The following OTOA variants were observed in gnomAD, a reference collection of about 807,000 sequenced individuals.
OTOA encodes otoancorin, also known as cancer/testis antigen 108.
In OTOA, 70 loss-of-function variants were observed where a neutral mutation model predicts 110.8. The ratio of observed to expected loss-of-function variants is 0.63; its 90% confidence interval spans 0.52 to 0.77. The LOEUF (loss-of-function observed/expected upper bound fraction) is 0.77. Ranked by LOEUF, OTOA falls within the 30% of genes least tolerant of loss-of-function variation. The probability of loss-of-function intolerance (pLI) is 0.00; values close to 1 mark genes in which losing one functional copy is unlikely to be tolerated. For synonymous variants in OTOA, 373 were observed against 431.5 expected (o/e 0.86, Z 1.68); for missense variants, 917 against 1,075.8 (o/e 0.85, Z 2.06).
rs1898921512 is a variant in OTOA at position 21,726,514 on chromosome 16, T to G, written c.1881-9T>G. On this transcript the variant is annotated splice_polypyrimidine_tract_variant and intron_variant, in intron 18 of 28. Transcript: ENST00000646100. ...TGTTCCTCCTCTTGTTCTCCCCATC[T>G]CTCTCCAGGGCCCGCTACCTGGCTT... 1 of 1,613,258 alleles carries G rather than the reference T, an allele frequency of 6.2e-7. No individual in the cohort carries two copies. Among genetic ancestry groups the G allele is most frequent in the East Asian group, 2.2e-5 (1 of 44,880 alleles).
At position 21,691,812 on chromosome 16, in the gene OTOA, C is replaced by T. The variant is rs1006781580; in HGVS notation, c.739+125C>T. On this transcript the variant is annotated intron_variant, in intron 9 of 28. Coordinates refer to ENST00000646100, the MANE Select transcript of OTOA (RefSeq NM_144672.4). ...TGATTTTTACCACCTCCCACTGCTTCGAAAAACAGTTTGATGTGGCTTATG... is the reference window on the plus strand; with the variant it reads ...TGATTTTTACCACCTCCCACTGCTTTGAAAAACAGTTTGATGTGGCTTATG... 28 of 845,732 alleles carry T rather than the reference C, an allele frequency of 3.3e-5. No individual in the cohort carries two copies. In the Admixed American group the frequency reaches 3.6e-4, roughly 11 times the overall value. 52.4% of individuals were successfully genotyped at this position (845,732 alleles called of 1,614,324 possible). A position where few individuals can be genotyped will look rare whatever the true frequency, so the allele number is the denominator to read the frequency against.
intron 11 of OTOA, among the ~76,000 whole-genome samples, chr16:21,701,898 A>G (rs1219181731): frequency 6.8e-6 from 1 of 148,056 alleles, no homozygotes; most frequent in East Asian, 2.0e-4. Context: ...TGGCCTCCCA[A>G]ACTGCTGGGA....
intron 9 of OTOA, 134 bp from the exon 10 acceptor site, chr16:21,697,641 C>T (rs907491483): frequency 1.5e-5 from 13 of 864,756 alleles, no homozygotes; most frequent in East Asian, 2.7e-5. Flanking sequence ...CAAAAAACCC[C>T]GAAAAACAAA....
chr16:21,749,706 CAG>C (rs1899764363), intron 24 of OTOA, among the ~76,000 whole-genome samples: 1 of 115,740 alleles, frequency 8.6e-6, no homozygotes, highest in Non-Finnish European at 1.7e-5. Context: ...TTTTGTGAGA[CAG>C]AGTCTCCCTC....
chr16:21,687,964 A>G (rs1385756703), intron 8 of OTOA, among the ~76,000 whole-genome samples: 1 of 151,422 alleles, frequency 6.6e-6, no homozygotes, highest in East Asian at 2.0e-4. Flanking sequence ...GCACCCAGCC[A>G]CTCCCACCTT....
intron 9 of OTOA, among the ~76,000 whole-genome samples, chr16:21,695,898 T>A (rs1435318052): frequency 5.0e-5 from 6 of 119,900 alleles, no homozygotes; most frequent in East Asian, 4.4e-4. Context: ...TATATTTTTT[T>A]TTTTTTTTTT....
intron 18 of OTOA, among the ~76,000 whole-genome samples, chr16:21,724,228 A>G (rs1324164060): frequency 1.3e-5 from 2 of 152,156 alleles, no homozygotes; most frequent in Non-Finnish European, 2.9e-5. Flanking sequence ...ATTGCCTTCC[A>G]AAGGAGAGGC....
At chr16:21,684,954 G>A (rs1367753310) in intron 6 of OTOA, among the ~76,000 whole-genome samples, 6 of 151,976 alleles carry the variant, frequency 3.9e-5, no homozygotes, top group Non-Finnish European at 8.8e-5. Flanking sequence ...GTTTCACCAT[G>A]TTGGCCAGGA....
At chr16:21,714,458 C>CCCT (rs1567384609) in intron 13 of OTOA, among the ~76,000 whole-genome samples, 2 of 62,110 alleles carry the variant, frequency 3.2e-5, no homozygotes, top group East Asian at 5.6e-4. Flanking sequence ...CTCTCTCTCT[C>CCCT]TCTTCTTTCT....
At chr16:21,708,485 C>T (rs1216464426) in intron 12 of OTOA, among the ~76,000 whole-genome samples, 2 of 152,108 alleles carry the variant, frequency 1.3e-5, no homozygotes, top group Non-Finnish European at 2.9e-5. Context: ...CCCACCCAGT[C>T]TCTGATTCAG....
Position 21,664,751 on chromosome 16 carries a change from C to T in OTOA, c.-5+519C>T, listed in dbSNP as rs577366211. ...CTTTGGGAGGCTGAGGCAGGAGAAT[C>T]ACTTGAGGCCAGGAGTTCGAGACCA... On this transcript the variant is annotated intron_variant, in intron 1 of 28. Coordinates refer to ENST00000646100, the MANE Select transcript of OTOA (RefSeq NM_144672.4). 5.8e-4 allele frequency among the ~76,000 whole-genome samples: 88 copies of T among 152,152 alleles called. 4 individuals are homozygous for T. The South Asian group carries it at 9.1e-3, about 16-fold the overall frequency.
At chr16:21,670,145 C>T (rs1214594571) in intron 1 of OTOA, among the ~76,000 whole-genome samples, 2 of 151,382 alleles carry the variant, frequency 1.3e-5, no homozygotes, top group African/African-American at 2.4e-5. Flanking sequence ...AAAACAAAAA[C>T]AAAAACAAGT....
chr16:21,721,800 G>C (rs370280713), intron 17 of OTOA, among the ~76,000 whole-genome samples: 6 of 152,102 alleles, frequency 3.9e-5, no homozygotes, highest in Non-Finnish European at 8.8e-5. Context: ...ACTGAGGCAG[G>C]AGGATCACTT....
chr16:21,747,068 T>TA (rs375480662), intron 24 of OTOA, among the ~76,000 whole-genome samples: 15,207 of 136,972 alleles, frequency 0.11, 158 homozygotes, highest in South Asian at 0.23. Flanking sequence ...TAGCTGTTTT[T>TA]ATGTTGATAT....
At chr16:21,714,845 G>A in intron 13 of OTOA, 140 bp from the exon 14 acceptor site, 7 of 1,078,380 alleles carry the variant, frequency 6.5e-6, no homozygotes, top group Non-Finnish European at 9.7e-6. Context: ...GAAGGCCTGT[G>A]GAGGCAGCAT....
chr16:21,722,951 T>C lies in OTOA; in HGVS notation c.1853T>C (p.Met618Thr), dbSNP rs918377842. 6.2e-7 allele frequency: 1 copy of C among 1,614,182 alleles called. No homozygotes were observed. The highest frequency in any genetic ancestry group is 8.5e-7 in the Non-Finnish European group (1 of 1,180,010). Residue 618 changes from methionine to threonine, a missense_variant, in exon 18 of 29, where the codon ATG becomes ACG. Coordinates refer to ENST00000646100, the MANE Select transcript of OTOA (RefSeq NM_144672.4). ...WKYWEVSRLSMPPFLLAALPA... is the reference protein window; with the variant it reads ...WKYWEVSRLSTPPFLLAALPA... ...TACTGGGAAGTTTCCAGATTGTCTATGCCACCTTTCCTCTTGGCTGCACTC... is the reference window on the plus strand; with the variant it reads ...TACTGGGAAGTTTCCAGATTGTCTACGCCACCTTTCCTCTTGGCTGCACTC...
At chr16:21,710,866 G>A (rs911913863) in intron 13 of OTOA, among the ~76,000 whole-genome samples, 5 of 152,132 alleles carry the variant, frequency 3.3e-5, no homozygotes, top group African/African-American at 1.2e-4. Context: ...AGCTGGGCGT[G>A]GTGGTGCATG....
At chr16:21,743,534 AG>A (rs1486482204) in intron 23 of OTOA, among the ~76,000 whole-genome samples, 1 of 149,704 alleles carries the variant, frequency 6.7e-6, no homozygotes, top group African/African-American at 2.4e-5. Flanking sequence ...ATACTTTAAA[AG>A]CTTTTGATAC....
chr16:21,706,837 T>C (rs1280650166), intron 12 of OTOA, among the ~76,000 whole-genome samples: 2 of 147,424 alleles, frequency 1.4e-5, no homozygotes, highest in Admixed American at 6.9e-5. Flanking sequence ...TTTTTTTTTT[T>C]TATAAGATTC....
Sources: allele counts gnomAD v4.1 joint callset (sites outside exome capture counted in the v4.1 genomes callset), GRCh38; gene constraint gnomAD v4.1.1; transcripts MANE v1.5; gene names NCBI Gene and HGNC (gene_info 2026-07-23, HGNC 2026-07-21).